Variants in ABCB9 observed in about 807,000 individuals in gnomAD.
The protein encoded by ABCB9 is ATP binding cassette subfamily B member 9.
ABCB9 carries 36 observed loss-of-function variants against 62.0 expected under a neutral mutation model. The observed-to-expected ratio is 0.58, with a 90% CI of 0.45 to 0.77. The LOEUF is 0.77. Among genes scored for constraint, ABCB9 ranks in the 30% least tolerant of loss-of-function variants. The pLI, the probability that ABCB9 is intolerant of heterozygous loss-of-function variation, is 0.00. For synonymous variants in ABCB9, 435 were observed against 461.4 expected, an observed-to-expected ratio of 0.94 and a Z score of 0.73; for missense variants, 943 against 1,054.7, an observed-to-expected ratio of 0.89 and a Z score of 1.47.
chr12:122,964,669 G>A lies in ABCB9; in HGVS notation c.-88+1618C>T, dbSNP rs1413852481. ...TCCAACTGCCTGACTCAGAGGATGCGCTGGGCTCGGCCAGGTGGAGCTGGA... is the reference window on the plus strand; with the variant it reads ...TCCAACTGCCTGACTCAGAGGATGCACTGGGCTCGGCCAGGTGGAGCTGGA... On this transcript the variant is annotated intron_variant, in intron 1 of 11. Coordinates refer to ENST00000280560, the MANE Select transcript of ABCB9 (RefSeq NM_019625.4). This position sits in a 1 kb window ranked among gnomAD's most constrained non-coding sequence, Gnocchi z 4.7. 1.3e-5 allele frequency among the ~76,000 whole-genome samples: 2 copies of A among 152,248 alleles called. No homozygotes were observed. The highest frequency in any genetic ancestry group is 2.1e-4 in the South Asian group (1 of 4,832).
rs749185692 is a variant in ABCB9 at position 122,929,886 on chromosome 12, C to T, written c.*25G>A. 3 of 1,513,458 alleles carry T rather than the reference C, an allele frequency of 2.0e-6. No individual in the cohort carries two copies. The African/African-American group carries it at 4.1e-5, about 21-fold the overall frequency. The allele number at this position is 1,513,458 out of a possible 1,614,324, so 93.8% of individuals were successfully genotyped here. A position where few individuals can be genotyped will look rare whatever the true frequency, so the allele number is the denominator to read the frequency against. Reference sequence around the variant, plus strand: ...CAGGCAGGCACCGGGTCCTCTGCCCCACCGGGAGAAGCAGGGGCCCCCCAT... The same window carrying T: ...CAGGCAGGCACCGGGTCCTCTGCCCTACCGGGAGAAGCAGGGGCCCCCCAT... On this transcript the variant is annotated 3_prime_UTR_variant, in exon 12 of 12. Transcript: ENST00000280560. The surrounding 1 kb of genome is among the most constrained non-coding windows in gnomAD (Gnocchi z 6.0).
intron 11 of ABCB9, among the ~76,000 whole-genome samples, chr12:122,931,019 T>G (rs943615472): frequency 3.3e-5 from 5 of 152,026 alleles, no homozygotes; most frequent in Admixed American, 3.3e-4. Flanking sequence ...CTGTTTTTTG[T>G]TTTTGTTTGT....
rs375875165 is a variant in ABCB9, at chr12:122,935,348, G to A, written c.1827C>T (p.Phe609=). Residue 609 remains phenylalanine (F), a synonymous_variant, in exon 10 of 12, where the codon TTC becomes TTT. Transcript: ENST00000280560. The part of the protein sequence containing the change: ...NISYGLPTVP[F]EMVVEAAQKA... ...TCTGTGCGGCCTCCACCACCATCTC[G>A]AAAGGCACAGTGGGCAGGCCGTAGG... The A allele has an allele frequency of 2.6e-4, 412 of 1,614,122 alleles. No individual in the cohort carries two copies. Among genetic ancestry groups the A allele is most frequent in the East Asian group, 8.0e-4 (36 of 44,884 alleles).
In ABCB9 at chr12:122,941,014, C is replaced by G. The variant is rs201134547; in HGVS notation, c.1381-19G>C. 6.4e-7 allele frequency: 1 copy of G among 1,567,336 alleles called. No individual in the cohort carries two copies. The highest frequency in any genetic ancestry group is 2.3e-5 in the East Asian group (1 of 43,464). On this transcript the variant is annotated intron_variant, in intron 7 of 11. Coordinates refer to ENST00000280560, the MANE Select transcript of ABCB9 (RefSeq NM_019625.4). Reference sequence around the variant, plus strand: ...CCACGGACTGGGGAGAGGAGACACGCGTTCCTGTCCCACCGATACCCGACT... The same window carrying G: ...CCACGGACTGGGGAGAGGAGACACGGGTTCCTGTCCCACCGATACCCGACT...
At chr12:122,938,945 G>A (rs1385778745) in intron 9 of ABCB9, among the ~76,000 whole-genome samples, 1 of 152,200 alleles carries the variant, frequency 6.6e-6, no homozygotes, top group Non-Finnish European at 1.5e-5. Context: ...GCCAAGGCAG[G>A]CTGATCACCT....
chr12:122,930,280 A>G lies in ABCB9; in HGVS notation c.2041-109T>C. 8.8e-7 allele frequency: 1 copy of G among 1,139,978 alleles called. No individual in the cohort carries two copies. Among genetic ancestry groups the G allele is most frequent in the East Asian group, 2.6e-5 (1 of 38,292 alleles). The allele number at this position is 1,139,978 out of a possible 1,614,324, so 70.6% of individuals were successfully genotyped here. A position where few individuals can be genotyped will look rare whatever the true frequency, so the allele number is the denominator to read the frequency against. On this transcript the variant is annotated intron_variant, in intron 11 of 11. Transcript: ENST00000280560. This position sits in a 1 kb window ranked among gnomAD's most constrained non-coding sequence, Gnocchi z 4.9. ...GCTTAACCTCTCTGAGGCTCAGTTC[A>G]CAAACGATGGCCAGCTTCCTGGGTT...
Position 122,929,363 on chromosome 12 carries a change from T to TGGCC in ABCB9, c.*544_*547dup. 1.0e-6 allele frequency: 1 copy of TGGCC among 986,096 alleles called. No homozygotes were observed. Among genetic ancestry groups the TGGCC allele is most frequent in the Non-Finnish European group, 1.2e-6 (1 of 830,112 alleles). The allele number at this position is 986,096 out of a possible 1,614,324, so 61.1% of individuals were successfully genotyped here. The stretch of plus-strand genomic sequence containing the variant: ...TGCCCTCCACGCTCCCTACCCGCCC[T>TGGCC]GGCCAGACTCACAGAGCTGGCAAGA... On this transcript the variant is annotated 3_prime_UTR_variant, in exon 12 of 12. Transcript: ENST00000280560. This position sits in a 1 kb window ranked among gnomAD's most constrained non-coding sequence, Gnocchi z 6.0.
At chr12:122,926,032 G>A (rs531521231), downstream of ABCB9, among the ~76,000 whole-genome samples, 7 of 152,166 alleles carry the variant, frequency 4.6e-5, no homozygotes, top group Non-Finnish European at 1.0e-4. Flanking sequence ...AAGGCCAGAG[G>A]GGCCAATCTG....
rs772153852 is a variant in ABCB9 at position 122,959,665 on chromosome 12, C to A, written c.571G>T (p.Ala191Ser). Residue 191 changes from alanine (A) to serine (S), a missense_variant, in exon 2 of 12, where the codon GCC becomes TCC. By Grantham distance (99) the Ala-to-Ser change is moderately conservative. Transcript: ENST00000280560. This position sits in a 1 kb window ranked among gnomAD's most constrained non-coding sequence, Gnocchi z 5.4. ...GCTGCCACGATGAGGAAGAAGGAGG[C>A]GGCCACGAGGAAGGCCACGTCGGGC... is the stretch of plus-strand genomic sequence containing the variant. Reference protein sequence around the residue: ...TKPDVAFLVAASFFLIVAALG... With the variant: ...TKPDVAFLVASSFFLIVAALG... 6.4e-7 allele frequency: 1 copy of A among 1,573,100 alleles called. No individual in the cohort carries two copies.
At chr12:122,941,371 G>A (rs369732200) in intron 7 of ABCB9, among the ~76,000 whole-genome samples, 3 of 150,068 alleles carry the variant, frequency 2.0e-5, no homozygotes, top group African/African-American at 5.0e-5. Context: ...GTGCATTGGT[G>A]CAATCTTGGC....
chr12:122,929,735 T>C lies in ABCB9; in HGVS notation c.*176A>G. The C allele has an allele frequency of 7.2e-7, 1 of 1,383,574 alleles. No individual in the cohort carries two copies. Among genetic ancestry groups the C allele is most frequent in the South Asian group, 1.8e-5 (1 of 55,566 alleles). The allele number at this position is 1,383,574 out of a possible 1,614,324, so 85.7% of individuals were successfully genotyped here. ...AGGGCAGCAGGGGTAAGGAGTGCCCTGGGAATGGGGCAGGGACCAGGGGCA... is the reference window on the plus strand; with the variant it reads ...AGGGCAGCAGGGGTAAGGAGTGCCCCGGGAATGGGGCAGGGACCAGGGGCA... On this transcript the variant is annotated 3_prime_UTR_variant, in exon 12 of 12. Transcript: ENST00000280560. This position sits in a 1 kb window ranked among gnomAD's most constrained non-coding sequence, Gnocchi z 6.0.
At chr12:122,924,580 C>A (rs1182728349), downstream of ABCB9, 1 of 1,360,088 alleles carries the variant, frequency 7.4e-7, no homozygotes, top group East Asian at 2.8e-5. Flanking sequence ...GTGTCAGCCA[C>A]TGTTCTAGGC....
chr12:122,930,151 G>A lies in ABCB9; in HGVS notation c.2061C>T (p.Gly687=). The change falls in exon 12 of 12, where the codon GGC becomes GGT. Residue 687 remains glycine, a synonymous_variant. Coordinates refer to ENST00000280560, the MANE Select transcript of ABCB9 (RefSeq NM_019625.4). This position sits in a 1 kb window ranked among gnomAD's most constrained non-coding sequence, Gnocchi z 4.9. Reference sequence around the variant, plus strand: ...TGAGTACCGTGTGCTTCTGCAGGTTGCCATGGATGGCCTGCTGGATCTGCG... The same window carrying A: ...TGAGTACCGTGTGCTTCTGCAGGTTACCATGGATGGCCTGCTGGATCTGCG... ...SEYLIQQAIH[G]NLQKHTVLII... is the part of the protein sequence containing the mutation. 2 of 1,549,128 alleles carry A rather than the reference G, an allele frequency of 1.3e-6. No homozygotes were observed. Among genetic ancestry groups the A allele is most frequent in the Non-Finnish European group, 8.7e-7 (1 of 1,145,200 alleles).
intron 4 of ABCB9, chr12:122,949,364 G>C (rs1340287746): frequency 5.4e-6 from 1 of 185,358 alleles, no homozygotes; most frequent in East Asian, 1.3e-4. Context: ...CCAGGGCTTC[G>C]ACCCAGGCCG....
At position 122,932,370 on chromosome 12, in the gene ABCB9, G is replaced by A; in HGVS notation, c.1904-42C>T. 1 of 1,528,632 alleles carries A rather than the reference G, an allele frequency of 6.5e-7. No individual in the cohort carries two copies. Among genetic ancestry groups the A allele is most frequent in the Non-Finnish European group, 8.8e-7 (1 of 1,132,120 alleles). The allele number at this position is 1,528,632 out of a possible 1,614,324, so 94.7% of individuals were successfully genotyped here. Reference sequence around the variant, plus strand: ...CAGAGACAATTTAGCAATGGGTGAGGCCGGGCAGCACCGGGGAAGAGTGAG... The same window carrying A: ...CAGAGACAATTTAGCAATGGGTGAGACCGGGCAGCACCGGGGAAGAGTGAG... On this transcript the variant is annotated intron_variant, in intron 10 of 11. Coordinates refer to ENST00000280560, the MANE Select transcript of ABCB9 (RefSeq NM_019625.4). The surrounding 1 kb of genome is among the most constrained non-coding windows in gnomAD (Gnocchi z 4.7).
chr12:122,972,440 C>T (rs900990077), intron 1 of ABCB9, among the ~76,000 whole-genome samples: 1 of 152,130 alleles, frequency 6.6e-6, no homozygotes, highest in Non-Finnish European at 1.5e-5. Context: ...GGCGCTTCTA[C>T]GGGGGCTGGA....
chr12:122,950,827 A>T (rs1042999888), intron 2 of ABCB9: 2 of 417,088 alleles, frequency 4.8e-6, no homozygotes, highest in African/African-American at 3.9e-5. Flanking sequence ...GCATCGAGCC[A>T]GGGCTCCTGC....
At chr12:122,937,377 G>T (rs2035513637) in intron 9 of ABCB9, among the ~76,000 whole-genome samples, 2 of 149,926 alleles carry the variant, frequency 1.3e-5, no homozygotes, top group African/African-American at 4.9e-5. Context: ...AAAAAGAAAA[G>T]AAAAAGTACA....
Position 122,929,430 on chromosome 12 carries a change from A to G in ABCB9, c.*481T>C. 1.0e-6 allele frequency: 1 copy of G among 987,150 alleles called. No homozygotes were observed. Among genetic ancestry groups the G allele is most frequent in the Non-Finnish European group, 1.2e-6 (1 of 830,862 alleles). 61.1% of individuals were successfully genotyped at this position (987,150 alleles called of 1,614,324 possible). On this transcript the variant is annotated 3_prime_UTR_variant, in exon 12 of 12. Transcript: ENST00000280560. The surrounding 1 kb of genome is among the most constrained non-coding windows in gnomAD (Gnocchi z 6.0). The stretch of plus-strand genomic sequence containing the variant: ...CCCGTTCCCCGTGTCTCCCTCCGGG[A>G]CAGGGAAGCCCCTTCTCTGGAGGGG...
Sources: gnomAD v4.1 joint callset for allele counts (sites outside exome capture counted in the v4.1 genomes callset) on GRCh38, gnomAD v4.1.1 for gene constraint, Gnocchi (gnomAD v3.1) non-coding constraint, MANE v1.5 for transcripts, NCBI Gene and HGNC (gene_info 2026-07-23, HGNC 2026-07-21) for gene names.